IL15: variants seen among roughly 807,000 people sequenced by gnomAD.
The protein encoded by IL15 is interleukin 15.
In IL15, 11 loss-of-function variants were observed where a neutral mutation model predicts 19.6. The ratio of observed to expected loss-of-function variants is 0.56; its 90% confidence interval spans 0.35 to 0.93. IL15 has a LOEUF of 0.93. Ranked by LOEUF, IL15 falls within the 40% of genes least tolerant of loss-of-function variation. The probability of loss-of-function intolerance (pLI) is 0.01; values close to 1 mark genes in which losing one functional copy is unlikely to be tolerated. For missense variants in IL15, 197 were observed against 186.5 expected (o/e 1.06, Z -0.33); for synonymous variants, 58 against 59.6 (o/e 0.97, Z 0.12).
intron 2 of IL15, 60 bp downstream of exon 2, chr4:141,656,367 C>G: frequency 2.5e-6 from 1 of 396,574 alleles, no homozygotes; most frequent in Non-Finnish European, 4.4e-6. Flanking sequence ...AATAGCATAA[C>G]TAATAATAAG....
intron 2 of IL15, among the ~76,000 whole-genome samples, chr4:141,675,330 T>C (rs1272654616): frequency 6.6e-6 from 1 of 152,174 alleles, no homozygotes; most frequent in African/African-American, 2.4e-5. Context: ...CACTTAGAGT[T>C]GACAGAAATG....
rs1729998867 is a variant in IL15, at chr4:141,719,418, T to C, written c.-47T>C. The stretch of plus-strand genomic sequence containing the variant: ...GATGGCTGCTGGAAACCCCTTGCCA[T>C]AGCCAGCTCTTCTTCAATACTTAAG... On this transcript the variant is annotated 5_prime_UTR_variant, in exon 3 of 8. It removes the in-frame stop codon of an upstream open reading frame in the 5' UTR. Coordinates refer to ENST00000320650, the MANE Select transcript of IL15 (RefSeq NM_000585.5). 7 of 802,266 alleles carry C rather than the reference T, an allele frequency of 8.7e-6. No individual in the cohort carries two copies. The highest frequency in any genetic ancestry group is 1.3e-5 in the Non-Finnish European group (6 of 452,162). 49.7% of individuals were successfully genotyped at this position (802,266 alleles called of 1,614,324 possible).
intron 1 of IL15, among the ~76,000 whole-genome samples, chr4:141,640,243 G>C (rs1578980296): frequency 6.6e-6 from 1 of 151,918 alleles, no homozygotes; most frequent in East Asian, 1.9e-4. Flanking sequence ...CCACCATACT[G>C]GCACTTCATC....
In IL15 at chr4:141,688,355, A is replaced by C. The variant is rs559506043; in HGVS notation, c.-99-31011A>C. Among the ~76,000 whole-genome samples the C allele has an allele frequency of 3.9e-5, 6 of 152,326 alleles. No individual in the cohort carries two copies. In the East Asian group the frequency reaches 1.2e-3, roughly 29 times the overall value. On this transcript the variant is annotated intron_variant, in intron 2 of 7. Coordinates refer to ENST00000320650, the MANE Select transcript of IL15 (RefSeq NM_000585.5). ...AGCATTTTCAAAATTTTCAAGAGGCAATAATGTGTTAAATAACAGCTTCTC... is the reference window on the plus strand; with the variant it reads ...AGCATTTTCAAAATTTTCAAGAGGCCATAATGTGTTAAATAACAGCTTCTC...
At chr4:141,698,848 G>A (rs1423822192) in intron 2 of IL15, among the ~76,000 whole-genome samples, 1 of 151,162 alleles carries the variant, frequency 6.6e-6, no homozygotes, top group Non-Finnish European at 1.5e-5. Context: ...TCGGATCTTT[G>A]TTATTTTTTT....
intron 1 of IL15, among the ~76,000 whole-genome samples, chr4:141,650,948 A>G (rs1202676382): frequency 1.3e-5 from 2 of 152,046 alleles, no homozygotes; most frequent in Non-Finnish European, 2.9e-5. Context: ...TGGTTCTGGT[A>G]AGATTAGGAA....
intron 2 of IL15, among the ~76,000 whole-genome samples, chr4:141,714,221 C>T (rs1729799572): frequency 6.6e-6 from 1 of 152,044 alleles, no homozygotes; most frequent in Admixed American, 6.6e-5. Flanking sequence ...GCCCCATCCC[C>T]CTTATAACTC....
chr4:141,656,132 G>A, intron 1 of IL15, 54 bp from the exon 2 acceptor site: 1 of 397,486 alleles, frequency 2.5e-6, no homozygotes, highest in East Asian at 3.6e-5. Flanking sequence ...AGGAAGGGAG[G>A]ATTACTCAAT....
intron 1 of IL15, among the ~76,000 whole-genome samples, chr4:141,644,947 A>C (rs1423340993): frequency 6.6e-6 from 1 of 152,116 alleles, no homozygotes; most frequent in African/African-American, 2.4e-5. Context: ...TGTGGCTCTT[A>C]ACTTCATCTT....
chr4:141,732,951 G>C lies in IL15; in HGVS notation c.*103G>C. On this transcript the variant is annotated 3_prime_UTR_variant, in exon 8 of 8. Coordinates refer to ENST00000320650, the MANE Select transcript of IL15 (RefSeq NM_000585.5). ...CATTTCAAATGTGCTGTCAAAACAA[G>C]TTTTTCTGTCAAGAAGATGATCAGA... 1 of 1,474,474 alleles carries C rather than the reference G, an allele frequency of 6.8e-7. No homozygotes were observed. Among genetic ancestry groups the C allele is most frequent in the Admixed American group, 2.8e-5 (1 of 35,754 alleles). The allele number at this position is 1,474,474 out of a possible 1,614,324, so 91.3% of individuals were successfully genotyped here.
intron 2 of IL15, among the ~76,000 whole-genome samples, chr4:141,669,294 C>T (rs1728093811): frequency 6.6e-6 from 1 of 152,158 alleles, no homozygotes. Flanking sequence ...AATTTAGACA[C>T]ACAATGTAGC....
At chr4:141,660,314 C>T (rs1578996876) in intron 2 of IL15, among the ~76,000 whole-genome samples, 2 of 152,156 alleles carry the variant, frequency 1.3e-5, no homozygotes. Context: ...TACTAGGAAC[C>T]TCACCAGTGC....
chr4:141,730,412 T>C (rs1230629154), intron 7 of IL15, among the ~76,000 whole-genome samples: 1 of 152,164 alleles, frequency 6.6e-6, no homozygotes, highest in Non-Finnish European at 1.5e-5. Context: ...CATTTAATCC[T>C]CATGATAAAT....
chr4:141,721,397 T>A, intron 4 of IL15: 1 of 628,636 alleles, frequency 1.6e-6, no homozygotes, highest in African/African-American at 1.8e-5. Context: ...ATGAAGTCTG[T>A]ACTGTTTATG....
At chr4:141,683,835 A>G (rs908418063) in intron 2 of IL15, among the ~76,000 whole-genome samples, 1 of 152,200 alleles carries the variant, frequency 6.6e-6, no homozygotes, top group African/African-American at 2.4e-5. Flanking sequence ...TGTTCTGGGG[A>G]AAAATGGCAT....
At chr4:141,650,135 C>A (rs1016630602) in intron 1 of IL15, among the ~76,000 whole-genome samples, 1 of 152,010 alleles carries the variant, frequency 6.6e-6, no homozygotes, top group Non-Finnish European at 1.5e-5. Flanking sequence ...CTCCCATCTT[C>A]CTACTCCTCC....
chr4:141,691,632 A>G (rs1457507627), intron 2 of IL15, among the ~76,000 whole-genome samples: 1 of 152,214 alleles, frequency 6.6e-6, no homozygotes, highest in Non-Finnish European at 1.5e-5. Context: ...AAAATCCAAC[A>G]GGGCAATCAT....
chr4:141,675,271 A>G (rs955885687), intron 2 of IL15, among the ~76,000 whole-genome samples: 11 of 152,202 alleles, frequency 7.2e-5, no homozygotes, highest in Non-Finnish European at 1.3e-4. Context: ...TAAAATATAC[A>G]CAAATCTATC....
intron 1 of IL15, among the ~76,000 whole-genome samples, chr4:141,646,020 T>C (rs777959362): frequency 6.6e-6 from 1 of 152,046 alleles, no homozygotes; most frequent in Non-Finnish European, 1.5e-5. Flanking sequence ...TTTATTCTTT[T>C]GGGAAAAGCA....
Sources: allele counts gnomAD v4.1 joint callset (sites outside exome capture counted in the v4.1 genomes callset), GRCh38; gene constraint gnomAD v4.1.1; transcripts MANE v1.5; gene names NCBI Gene and HGNC (gene_info 2026-07-23, HGNC 2026-07-21).